Variants in ACACA observed in about 807,000 individuals in gnomAD.
The protein encoded by ACACA is acetyl-CoA carboxylase alpha.
A neutral mutation model predicts 296.1 loss-of-function variants in ACACA; 103 were observed. That is an observed-to-expected ratio of 0.35 (90% CI 0.30 to 0.41). The LOEUF (loss-of-function observed/expected upper bound fraction) is 0.41. ACACA is among the 10% of genes least tolerant of loss of function. The probability of loss-of-function intolerance (pLI) is 1.00; values close to 1 mark genes in which losing one functional copy is unlikely to be tolerated. For missense variants in ACACA, 1,554 were observed against 2,989.7 expected (o/e 0.52, Z 11.20); for synonymous variants, 953 against 1,038.6 (o/e 0.92, Z 1.58).
In ACACA at chr17:37,122,880, G is replaced by C. The variant is rs559037985; in HGVS notation, c.6042-253C>G. The C allele has an allele frequency of 4.5e-5, 26 of 572,452 alleles. No homozygotes were observed. In the South Asian group the frequency reaches 4.9e-4, roughly 11 times the overall value. The allele number at this position is 572,452 out of a possible 1,614,324, so 35.5% of individuals were successfully genotyped here. A position where few individuals can be genotyped will look rare whatever the true frequency, so the allele number is the denominator to read the frequency against. Reference sequence around the variant, plus strand: ...CCAACACAAGATAAATTCAAACCAAGGGCTGTTCTAGGGGAGCCTCTACAT... The same window carrying C: ...CCAACACAAGATAAATTCAAACCAACGGCTGTTCTAGGGGAGCCTCTACAT... On this transcript the variant is annotated intron_variant, in intron 48 of 55. Transcript: ENST00000616317.
At chr17:37,370,708 T>A (rs2049772572) in intron 1 of ACACA, among the ~76,000 whole-genome samples, 1 of 151,138 alleles carries the variant, frequency 6.6e-6, no homozygotes, top group Non-Finnish European at 1.5e-5. Flanking sequence ...TTAGGCCAGG[T>A]ACGGTGACTC....
intron 45 of ACACA, among the ~76,000 whole-genome samples, chr17:37,143,163 T>C (rs1294553143): frequency 1.3e-5 from 2 of 150,686 alleles, no homozygotes; most frequent in Non-Finnish European, 2.9e-5. Flanking sequence ...AGCCAAGAAT[T>C]AAACCTGGGC....
chr17:37,099,779 T>C (rs748213242), intron 52 of ACACA, among the ~76,000 whole-genome samples: 2 of 152,048 alleles, frequency 1.3e-5, no homozygotes, highest in Non-Finnish European at 2.9e-5. Context: ...GCAAATATTT[T>C]CCCTTCTCCA....
At chr17:37,185,399 TTTC>T (rs1282008519) in intron 39 of ACACA, among the ~76,000 whole-genome samples, 6 of 137,546 alleles carry the variant, frequency 4.4e-5, no homozygotes, top group Non-Finnish European at 9.2e-5. Context: ...TGCCTGGCTA[TTTC>T]TTTTTTTTTT....
At position 37,235,046 on chromosome 17, in the gene ACACA, T is replaced by C; in HGVS notation, c.3175A>G (p.Asn1059Asp). ...ALREENKSDMNTVLNYIFSHA... is the reference protein window; with the variant it reads ...ALREENKSDMDTVLNYIFSHA... The stretch of plus-strand genomic sequence containing the variant: ...GAGAAGATGTAGTTCAGTACAGTGT[T>C]CATGTCACTTTTATTCTCTTCTCGG... The change falls in exon 25 of 56, where the codon AAC becomes GAC. Residue 1059 changes from asparagine to aspartate, a missense_variant. Physicochemically the swap from Asn to Asp is conservative, Grantham distance 23. Around this residue, in one of 16 missense-constraint regions of ACACA, gnomAD observed 316 missense variants for 540.9 expected, o/e 0.58. Transcript: ENST00000616317. 2.5e-6 allele frequency: 4 copies of C among 1,613,968 alleles called. No homozygotes were observed. Among genetic ancestry groups the C allele is most frequent in the African/African-American group, 1.3e-5 (1 of 75,042 alleles).
At chr17:37,171,247 C>T (rs2076872354) in intron 41 of ACACA, among the ~76,000 whole-genome samples, 1 of 152,130 alleles carries the variant, frequency 6.6e-6, no homozygotes, top group African/African-American at 2.4e-5. Context: ...CTGCAAGGCC[C>T]TTGAGCAGCA....
chr17:37,220,156 A>G (rs935749874), intron 29 of ACACA, among the ~76,000 whole-genome samples: 5 of 152,172 alleles, frequency 3.3e-5, no homozygotes, highest in African/African-American at 1.2e-4. Flanking sequence ...CAAGATTCAT[A>G]CTCTTGACAT....
intron 1 of ACACA, among the ~76,000 whole-genome samples, chr17:37,346,104 A>G (rs2048602727): frequency 2.0e-5 from 3 of 152,112 alleles, no homozygotes; most frequent in Non-Finnish European, 4.4e-5. Flanking sequence ...CAGGAAATAC[A>G]GTTTTATAGT....
intron 54 of ACACA, among the ~76,000 whole-genome samples, chr17:37,091,877 G>C (rs1029854653): frequency 2.0e-5 from 3 of 152,042 alleles, no homozygotes; most frequent in African/African-American, 7.2e-5. Flanking sequence ...TGCCCAGCCA[G>C]AGCCTACAGT....
Position 37,244,633 on chromosome 17 carries a change from A to G in ACACA, c.2697T>C (p.Asn899=). ...VFHYVLDNLV[N]VMNGYCLPDP... ...CTGGAAGGCAGTATCCATTCATTACATTGACCAGATTATCCAGGACATAAT... is the reference window on the plus strand; with the variant it reads ...CTGGAAGGCAGTATCCATTCATTACGTTGACCAGATTATCCAGGACATAAT... Residue 899 remains asparagine (N), a synonymous_variant, in exon 21 of 56, where the codon AAT becomes AAC. Coordinates refer to ENST00000616317, the MANE Select transcript of ACACA (RefSeq NM_198834.3). 2 of 1,614,176 alleles carry G rather than the reference A, an allele frequency of 1.2e-6. No individual in the cohort carries two copies. The highest frequency in any genetic ancestry group is 8.5e-7 in the Non-Finnish European group (1 of 1,180,000).
intron 3 of ACACA, among the ~76,000 whole-genome samples, chr17:37,309,556 T>C (rs2084037111): frequency 6.6e-6 from 1 of 152,096 alleles, no homozygotes; most frequent in Admixed American, 6.6e-5. Flanking sequence ...ATCTGAAACC[T>C]AAAGGATAAA....
chr17:37,268,427 G>A (rs2081893498), intron 10 of ACACA, among the ~76,000 whole-genome samples: 1 of 152,054 alleles, frequency 6.6e-6, no homozygotes, highest in Non-Finnish European at 1.5e-5. Flanking sequence ...TCTATTTCCA[G>A]TTCACCCTTT....
Position 37,218,147 on chromosome 17 carries a change from CAAAAAA to C in ACACA, c.3683+3571_3683+3576del, listed in dbSNP as rs60487601. On this transcript the variant is annotated intron_variant, in intron 29 of 55. Transcript: ENST00000616317. The stretch of plus-strand genomic sequence containing the variant: ...CTCTCTCCACGGGCACTACCAGTAA[CAAAAAA>C]AAAAAAAAAAAAAAGAGGGCTCAGT... 3.4e-5 allele frequency among the ~76,000 whole-genome samples: 4 copies of C among 116,628 alleles called. No individual in the cohort carries two copies. In the East Asian group the frequency reaches 7.2e-4, roughly 21 times the overall value. 76.5% of individuals were successfully genotyped at this position (116,628 alleles called of 152,430 possible).
At chr17:37,346,135 G>A (rs576591735) in intron 1 of ACACA, among the ~76,000 whole-genome samples, 49 of 152,168 alleles carry the variant, frequency 3.2e-4, no homozygotes, top group Middle Eastern at 6.8e-3. Flanking sequence ...TTGTACCAAT[G>A]TTAATTTCAT....
At chr17:37,287,838 C>G (rs1464908330) in intron 3 of ACACA, among the ~76,000 whole-genome samples, 1 of 151,892 alleles carries the variant, frequency 6.6e-6, no homozygotes, top group Non-Finnish European at 1.5e-5. Context: ...ATAACAAAGG[C>G]TATGCACTCT....
At position 37,097,804 on chromosome 17, in the gene ACACA, C is replaced by T. The variant is rs780931337; in HGVS notation, c.6720+26G>A. 2 of 1,612,910 alleles carry T rather than the reference C, an allele frequency of 1.2e-6. No homozygotes were observed. The highest frequency in any genetic ancestry group is 1.7e-6 in the Non-Finnish European group (2 of 1,179,086). Reference sequence around the variant, plus strand: ...CACTTGCCCACATGTGGGCCTCTGACAAGAAGTGGCAACCATTGTACTTAC... The same window carrying T: ...CACTTGCCCACATGTGGGCCTCTGATAAGAAGTGGCAACCATTGTACTTAC... On this transcript the variant is annotated intron_variant, in intron 53 of 55. Coordinates refer to ENST00000616317, the MANE Select transcript of ACACA (RefSeq NM_198834.3). This position sits in a 1 kb window ranked among gnomAD's most constrained non-coding sequence, Gnocchi z 4.8.
intron 51 of ACACA, 46 bp from the exon 52 acceptor site, chr17:37,111,689 T>C: frequency 7.0e-7 from 1 of 1,421,398 alleles, no homozygotes; most frequent in African/African-American, 1.4e-5. Context: ...AGAGGCACTT[T>C]AAAGGAAGGA....
intron 45 of ACACA, among the ~76,000 whole-genome samples, chr17:37,138,299 T>C (rs1291448091): frequency 6.6e-6 from 1 of 152,234 alleles, no homozygotes; most frequent in African/African-American, 2.4e-5. Flanking sequence ...GAGTCAGGTT[T>C]CTAAACAGTC....
chr17:37,294,971 CCA>C (rs1337671108), intron 3 of ACACA, among the ~76,000 whole-genome samples: 1 of 152,220 alleles, frequency 6.6e-6, no homozygotes, highest in Non-Finnish European at 1.5e-5. Flanking sequence ...TTTGATAAGG[CCA>C]CACTTTCCCA....
Sources: gnomAD v4.1 joint callset for allele counts (sites outside exome capture counted in the v4.1 genomes callset) on GRCh38, gnomAD v4.1.1 for gene constraint, gnomAD v4.1.1 regional missense constraint, Gnocchi (gnomAD v3.1) non-coding constraint, MANE v1.5 for transcripts, NCBI Gene and HGNC (gene_info 2026-07-23, HGNC 2026-07-21) for gene names.